USP25: variants seen among roughly 807,000 people sequenced by gnomAD.
USP25 encodes ubiquitin specific peptidase 25.
Under a neutral mutation model 158.5 loss-of-function variants are expected in USP25, and 85 were observed. That is an observed-to-expected ratio of 0.54 (90% CI 0.45 to 0.64). The LOEUF (loss-of-function observed/expected upper bound fraction) is 0.64. Ranked by LOEUF, USP25 falls within the 30% of genes least tolerant of loss-of-function variation. USP25 has a pLI of 0.00. For synonymous variants in USP25, 464 were observed against 460.4 expected (o/e 1.01, Z -0.10); for missense variants, 1,242 against 1,327.3 (o/e 0.94, Z 1.00).
chr21:15,858,361 G>A (rs2823511), intron 20 of USP25, among the ~76,000 whole-genome samples: 34,431 of 151,548 alleles, frequency 0.23, 5,487 homozygotes, highest in African/African-American at 0.46. Context: ...GTTCTTTAGT[G>A]AGGTTTTATA....
intron 4 of USP25, among the ~76,000 whole-genome samples, chr21:15,787,781 T>C (rs2035362768): frequency 6.6e-6 from 1 of 151,942 alleles, no homozygotes; most frequent in Non-Finnish European, 1.5e-5. Flanking sequence ...TATGCATGTT[T>C]CTCAGTGAGT....
At chr21:15,876,414 C>G (rs28714100) in intron 24 of USP25, 7,402 of 152,264 alleles carry the variant, frequency 0.049, 209 homozygotes, top group East Asian at 0.074. Context: ...TATAAAGATA[C>G]TACACAAGAC....
rs2040200774 is a variant in USP25 at position 15,878,926 on chromosome 21, G to A, written c.*451G>A. 1 of 153,066 alleles carries A rather than the reference G, an allele frequency of 6.5e-6. No individual in the cohort carries two copies. Among genetic ancestry groups the A allele is most frequent in the South Asian group, 2.1e-4 (1 of 4,830 alleles). The allele number at this position is 153,066 out of a possible 1,614,324, so 9.5% of individuals were successfully genotyped here. A position where few individuals can be genotyped will look rare whatever the true frequency, so the allele number is the denominator to read the frequency against. ...ATGGCTACCTATGTGTTTGTAAGCA[G>A]GTATATTGTATATTAGTGTATTAGT... On this transcript the variant is annotated 3_prime_UTR_variant, in exon 26 of 26. Coordinates refer to ENST00000400183, the MANE Select transcript of USP25 (RefSeq NM_001283041.3).
chr21:15,805,003 TC>T (rs2036309535), intron 6 of USP25, 117 bp from the exon 7 acceptor site: 2 of 1,058,814 alleles, frequency 1.9e-6, no homozygotes, highest in South Asian at 3.9e-5. Flanking sequence ...TGCTAATTCA[TC>T]CCTAAACTAT....
chr21:15,873,189 A>G (rs2039964190), intron 23 of USP25, among the ~76,000 whole-genome samples: 1 of 151,910 alleles, frequency 6.6e-6, no homozygotes, highest in Non-Finnish European at 1.5e-5. Context: ...GGCTCACTAC[A>G]ACCTCTTACC....
chr21:15,733,856 C>A (rs139205413), intron 1 of USP25, among the ~76,000 whole-genome samples: 7 of 152,032 alleles, frequency 4.6e-5, no homozygotes, highest in Middle Eastern at 3.4e-3. Flanking sequence ...AAACAAAAAA[C>A]CAAAACAAAA....
At chr21:15,841,560 G>T (rs757671429) in intron 17 of USP25, among the ~76,000 whole-genome samples, 1 of 152,062 alleles carries the variant, frequency 6.6e-6, no homozygotes, top group Non-Finnish European at 1.5e-5. Context: ...TGGAAAAACA[G>T]CTCATTCATT....
chr21:15,735,080 C>A (rs896708893), intron 1 of USP25, among the ~76,000 whole-genome samples: 1 of 152,214 alleles, frequency 6.6e-6, no homozygotes, highest in African/African-American at 2.4e-5. Flanking sequence ...TCATGTGATA[C>A]ACAAGCCCCT....
Position 15,746,011 on chromosome 21 carries a change from A to G in USP25, c.45+15573A>G, listed in dbSNP as rs370342511. Among the ~76,000 whole-genome samples, 109 of 152,330 alleles carry G rather than the reference A, an allele frequency of 7.2e-4. 3 individuals are homozygous for G. The South Asian group carries it at 0.022, about 31-fold the overall frequency. On this transcript the variant is annotated intron_variant, in intron 1 of 25. Coordinates refer to ENST00000400183, the MANE Select transcript of USP25 (RefSeq NM_001283041.3). Reference sequence around the variant, plus strand: ...TGGTACCTTTATGGAAAATTAATTGATCATGTATGAGTGGGTTTATTTTTG... The same window carrying G: ...TGGTACCTTTATGGAAAATTAATTGGTCATGTATGAGTGGGTTTATTTTTG...
At chr21:15,873,382 A>G (rs559368759) in intron 23 of USP25, among the ~76,000 whole-genome samples, 2 of 152,070 alleles carry the variant, frequency 1.3e-5, no homozygotes, top group East Asian at 3.9e-4. Flanking sequence ...CCACCTCCCA[A>G]AGTATTGGGA....
chr21:15,830,776 T>C (rs1395691763), intron 15 of USP25, among the ~76,000 whole-genome samples, 175 bp downstream of exon 15: 1 of 152,196 alleles, frequency 6.6e-6, no homozygotes, highest in African/African-American at 2.4e-5. Flanking sequence ...TTCATCTGAA[T>C]GGGGAAACTT....
chr21:15,859,969 GTATA>G (rs1407045662), intron 20 of USP25, among the ~76,000 whole-genome samples: 3 of 138,480 alleles, frequency 2.2e-5, no homozygotes, highest in Non-Finnish European at 3.1e-5. Flanking sequence ...ATATATATAT[GTATA>G]TATATATATA....
intron 20 of USP25, among the ~76,000 whole-genome samples, chr21:15,863,226 A>G (rs2039508962): frequency 6.6e-6 from 1 of 152,072 alleles, no homozygotes. Context: ...GTATATTAAA[A>G]CATGCATTAG....
intron 5 of USP25, among the ~76,000 whole-genome samples, chr21:15,797,440 A>T (rs1348753412): frequency 6.6e-6 from 1 of 151,482 alleles, no homozygotes; most frequent in African/African-American, 2.4e-5. Flanking sequence ...TGATACCTTT[A>T]AACATCAAGT....
intron 5 of USP25, among the ~76,000 whole-genome samples, chr21:15,791,977 G>T (rs1314113831): frequency 1.3e-5 from 2 of 151,660 alleles, no homozygotes; most frequent in African/African-American, 4.8e-5. Flanking sequence ...GCAAATTTAT[G>T]GAAGCATTGT....
chr21:15,772,257 T>C (rs2034399708), intron 3 of USP25, among the ~76,000 whole-genome samples: 1 of 152,224 alleles, frequency 6.6e-6, no homozygotes, highest in African/African-American at 2.4e-5. Flanking sequence ...TTACTCATGG[T>C]ATTCCTTTGT....
chr21:15,846,156 A>T (rs1360341747), intron 18 of USP25, among the ~76,000 whole-genome samples: 4,909 of 18,366 alleles, frequency 0.27, 735 homozygotes, highest in East Asian at 0.36. Flanking sequence ...ATATATATAT[A>T]TATTTTTTTT....
At chr21:15,864,197 C>G in intron 20 of USP25, 71 bp from the exon 21 acceptor site, 1 of 1,221,710 alleles carries the variant, frequency 8.2e-7, no homozygotes, top group Non-Finnish European at 1.1e-6. Context: ...AAGAATTAAA[C>G]TCATAATATT....
intron 20 of USP25, among the ~76,000 whole-genome samples, chr21:15,857,893 C>T (rs1353600469): frequency 6.6e-6 from 1 of 152,012 alleles, no homozygotes; most frequent in Non-Finnish European, 1.5e-5. Context: ...ATAGTCTAAA[C>T]ATAAAATACT....
Sources: gnomAD v4.1 joint callset for allele counts (sites outside exome capture counted in the v4.1 genomes callset) on GRCh38, gnomAD v4.1.1 for gene constraint, MANE v1.5 for transcripts, NCBI Gene and HGNC (gene_info 2026-07-23, HGNC 2026-07-21) for gene names.